CLOCK: variants seen among roughly 807,000 people sequenced by gnomAD.
The protein encoded by CLOCK is circadian locomoter output cycles protein kaput.
In CLOCK, 43 loss-of-function variants were observed where a neutral mutation model predicts 118.4. The ratio of observed to expected loss-of-function variants is 0.36; its 90% CI spans 0.28 to 0.47. The LOEUF is 0.47. Among genes scored for constraint, CLOCK ranks in the 20% least tolerant of loss-of-function variants. CLOCK has a pLI of 1.00. For missense variants in CLOCK, 846 were observed against 999.9 expected, an observed-to-expected ratio of 0.85 and a Z score of 2.08; for synonymous variants, 326 against 339.2, an observed-to-expected ratio of 0.96 and a Z score of 0.43.
intron 2 of CLOCK, among the ~76,000 whole-genome samples, chr4:55,503,978 T>TAAAAGAAAAAATAA (rs1553900254): frequency 1.4e-5 from 1 of 71,130 alleles, no homozygotes; most frequent in Non-Finnish European, 2.5e-5. Flanking sequence ...CAAAAAGAGG[T>TAAAAGAAAAAATAA]AAAAAAAAAA....
At chr4:55,447,363 C>CAAA (rs113812191) in intron 18 of CLOCK, among the ~76,000 whole-genome samples, 7 of 150,480 alleles carry the variant, frequency 4.7e-5, no homozygotes, top group Admixed American at 1.3e-4. Flanking sequence ...GGCGTCGTCT[C>CAAA]AAAAAAAAAT....
chr4:55,435,346 A>G lies in CLOCK; in HGVS notation c.*69T>C. Reference sequence around the variant, plus strand: ...TGCTGGAACTTTCCCTCCTTTCCTCAGGTCATCTGAGTAACTCTTAATGGG... The same window carrying G: ...TGCTGGAACTTTCCCTCCTTTCCTCGGGTCATCTGAGTAACTCTTAATGGG... On this transcript the variant is annotated 3_prime_UTR_variant, in exon 23 of 23. Coordinates refer to ENST00000513440, the MANE Select transcript of CLOCK (RefSeq NM_004898.4). 6.4e-7 allele frequency: 1 copy of G among 1,565,570 alleles called. No homozygotes were observed. The highest frequency in any genetic ancestry group is 8.8e-7 in the Non-Finnish European group (1 of 1,137,664).
intron 11 of CLOCK, among the ~76,000 whole-genome samples, chr4:55,458,376 A>T (rs2140076): frequency 0.076 from 11,512 of 152,048 alleles, 1,472 homozygotes; most frequent in African/African-American, 0.26. Flanking sequence ...CGAAATTTTA[A>T]ATCTTAGCCT....
intron 2 of CLOCK, among the ~76,000 whole-genome samples, chr4:55,508,703 C>T (rs1728959786): frequency 6.6e-6 from 1 of 151,792 alleles, no homozygotes; most frequent in African/African-American, 2.4e-5. Context: ...CGCCATTCTT[C>T]TGCCTCAGCC....
rs750275905 is a variant in CLOCK, at chr4:55,470,701, G to A, written c.438+16C>T. On this transcript the variant is annotated intron_variant, in intron 8 of 22. Coordinates refer to ENST00000513440, the MANE Select transcript of CLOCK (RefSeq NM_004898.4). ...GCATTTTAATACGAAGTAGATTGTA[G>A]GATCTTTATACTTACTGGTAAATGT... 1 of 1,512,068 alleles carries A rather than the reference G, an allele frequency of 6.6e-7. No individual in the cohort carries two copies. Among genetic ancestry groups the A allele is most frequent in the Non-Finnish European group, 9.2e-7 (1 of 1,088,290 alleles). The allele number at this position is 1,512,068 out of a possible 1,614,324, so 93.7% of individuals were successfully genotyped here.
chr4:55,468,363 A>C (rs1725881106), intron 8 of CLOCK, among the ~76,000 whole-genome samples: 1 of 152,168 alleles, frequency 6.6e-6, no homozygotes, highest in Non-Finnish European at 1.5e-5. Flanking sequence ...ACTCCCCCCA[A>C]AAGCCTATCA....
At chr4:55,540,239 C>T (rs1731174861) in intron 1 of CLOCK, among the ~76,000 whole-genome samples, 1 of 152,122 alleles carries the variant, frequency 6.6e-6, no homozygotes, top group South Asian at 2.1e-4. Flanking sequence ...AACTCCTGAC[C>T]TCAAGTGATC....
rs745489056 is a variant in CLOCK at position 55,459,253 on chromosome 4, G to T, written c.568C>A (p.Gln190Lys). The T allele has an allele frequency of 3.1e-6, 5 of 1,598,410 alleles. No homozygotes were observed. In the Admixed American group the frequency reaches 6.7e-5, roughly 21 times the overall value. ...LTPEYLKSKN[Q>K]LEFCCHMLRG... ...AGCATGTGACAACAGAATTCTAACTGATTTTTTGCTGAAATAAAAGAGATT... is the reference window on the plus strand; with the variant it reads ...AGCATGTGACAACAGAATTCTAACTTATTTTTTGCTGAAATAAAAGAGATT... The change falls in exon 10 of 23, where the codon CAG becomes AAG. Residue 190 changes from glutamine (Q) to lysine (K), a missense_variant. Gln to Lys is a moderately conservative substitution (Grantham distance 53). Around this residue, in one of 4 missense-constraint regions of CLOCK, gnomAD observed 246 missense variants for 300.2 expected, o/e 0.82. Transcript: ENST00000513440.
Position 55,530,505 on chromosome 4 carries a change from T to C in CLOCK, c.-290+16277A>G, listed in dbSNP as rs543864243. On this transcript the variant is annotated intron_variant, in intron 1 of 22. Transcript: ENST00000513440. The stretch of plus-strand genomic sequence containing the variant: ...AAAATACATTCAAAGCAGGATGCAG[T>C]GGCTCATGCATATAATCCCAGCACT... Among the ~76,000 whole-genome samples, 4 of 152,216 alleles carry C rather than the reference T, an allele frequency of 2.6e-5. No individual in the cohort carries two copies. The South Asian group carries it at 8.3e-4, about 32-fold the overall frequency.
At chr4:55,458,781 A>T (rs1725098865) in intron 11 of CLOCK, 111 bp downstream of exon 11, 1 of 724,638 alleles carries the variant, frequency 1.4e-6, no homozygotes, top group Non-Finnish European at 2.4e-6. Context: ...AAATATTATC[A>T]TGCATATTTA....
At chr4:55,546,378 C>G (rs56154935) in intron 1 of CLOCK, 51,517 of 152,290 alleles carry the variant, frequency 0.34, 9,431 homozygotes, top group East Asian at 0.58. Context: ...ACTAGAACGA[C>G]ACGCCAAACT....
intron 15 of CLOCK, among the ~76,000 whole-genome samples, chr4:55,451,136 C>G (rs1724411836): frequency 6.6e-6 from 1 of 152,096 alleles, no homozygotes; most frequent in South Asian, 2.1e-4. Flanking sequence ...TCCCTATTCA[C>G]TGTCCCTAAT....
chr4:55,449,401 T>G lies in CLOCK; in HGVS notation c.1444A>C (p.Ser482Arg). Residue 482 changes from serine (S) to arginine (R), a missense_variant, in exon 17 of 23, where the codon AGT becomes CGT. Ser to Arg is a moderately radical substitution (Grantham distance 110). Transcript: ENST00000513440. ...KMVQRRSSFSSQSINSQSVGS... is the reference protein window; with the variant it reads ...KMVQRRSSFSRQSINSQSVGS... ...ATATCCACTAAAGAGCTTACCTGAC[T>G]ACTAAATGATGACCTTCTTTGCACC... 6.2e-7 allele frequency: 1 copy of G among 1,612,944 alleles called. No individual in the cohort carries two copies. The highest frequency in any genetic ancestry group is 8.5e-7 in the Non-Finnish European group (1 of 1,178,954).
intron 18 of CLOCK, 54 bp from the exon 19 acceptor site, chr4:55,444,839 T>A: frequency 6.5e-7 from 1 of 1,549,772 alleles, no homozygotes; most frequent in Non-Finnish European, 8.8e-7. Flanking sequence ...ACTTACTCCT[T>A]ATAATTGCAC....
chr4:55,430,149 T>C lies in CLOCK; in HGVS notation c.*5266A>G, dbSNP rs1722404617. 1 of 152,236 alleles carries C rather than the reference T, an allele frequency of 6.6e-6. No individual in the cohort carries two copies. The highest frequency in any genetic ancestry group is 2.4e-5 in the African/African-American group (1 of 41,460). The allele number at this position is 152,236 out of a possible 1,614,324, so 9.4% of individuals were successfully genotyped here. A position where few individuals can be genotyped will look rare whatever the true frequency, so the allele number is the denominator to read the frequency against. ...AAAAGCAATTGCTTCTTTGAACCCC[T>C]TTCTAAATTCTTTCATAAATACTTA... On this transcript the variant is annotated 3_prime_UTR_variant, in exon 23 of 23. Coordinates refer to ENST00000513440, the MANE Select transcript of CLOCK (RefSeq NM_004898.4).
intron 21 of CLOCK, among the ~76,000 whole-genome samples, chr4:55,440,643 A>C (rs3805148): frequency 0.34 from 51,392 of 152,150 alleles, 9,382 homozygotes; most frequent in East Asian, 0.58. Context: ...GAAATAAGTA[A>C]TATTTACAAA....
Position 55,437,288 on chromosome 4 carries a change from C to T in CLOCK, c.2361+994G>A, listed in dbSNP as rs976890499. Among the ~76,000 whole-genome samples, 11 of 152,160 alleles carry T rather than the reference C, an allele frequency of 7.2e-5. No homozygotes were observed. The South Asian group carries it at 1.0e-3, about 14-fold the overall frequency. ...AATAATCACATCACATGTTATATAA[C>T]CCAGAAATTGATGATAAGTGCCCAG... On this transcript the variant is annotated intron_variant, in intron 22 of 22. Coordinates refer to ENST00000513440, the MANE Select transcript of CLOCK (RefSeq NM_004898.4).
intron 1 of CLOCK, among the ~76,000 whole-genome samples, chr4:55,511,507 TG>T (rs1300838876): frequency 6.6e-6 from 1 of 152,192 alleles, no homozygotes; most frequent in Non-Finnish European, 1.5e-5. Flanking sequence ...CATAAAAAAC[TG>T]AGGGTAAAGT....
At chr4:55,538,683 A>C (rs1731061843) in intron 1 of CLOCK, among the ~76,000 whole-genome samples, 1 of 152,156 alleles carries the variant, frequency 6.6e-6, no homozygotes, top group African/African-American at 2.4e-5. Flanking sequence ...GATTCAAAAA[A>C]CTCTATAAAC....
Sources: gnomAD v4.1 joint callset for allele counts (sites outside exome capture counted in the v4.1 genomes callset) on GRCh38, gnomAD v4.1.1 for gene constraint, gnomAD v4.1.1 regional missense constraint, MANE v1.5 for transcripts, NCBI Gene and HGNC (gene_info 2026-07-23, HGNC 2026-07-21) for gene names.